Variants in ZNF469 observed in about 807,000 individuals in gnomAD.
ZNF469 encodes the protein zinc finger protein 469.
In ZNF469, 1 loss-of-function variant was observed where a neutral mutation model predicts 1.0. The observed-to-expected ratio is 1.00, with a 90% CI of 0.35 to 4.73. The LOEUF (loss-of-function observed/expected upper bound fraction) is 4.73, where lower values mean the gene tolerates loss of function less well. Ranked by LOEUF, ZNF469 falls within the 30% of genes most tolerant of loss-of-function variation. The pLI is 0.16. For missense variants in ZNF469, 6,100 were observed against 5,356.3 expected, an observed-to-expected ratio of 1.14 and a Z score of -4.33; for synonymous variants, 2,703 against 2,363.4, an observed-to-expected ratio of 1.14 and a Z score of -4.17.
chr16:88,103,752 G>A, the ZNF469 span, among the ~76,000 whole-genome samples: 50 of 149,928 alleles, frequency 3.3e-4, 2 homozygotes, highest in African/African-American at 1.2e-3. Context: ...ATAATCCTCC[G>A]TGGCACGGGG....
At chr16:88,404,187 G>A (rs952234699) in intron 1 of ZNF469, among the ~76,000 whole-genome samples, 10 of 152,056 alleles carry the variant, frequency 6.6e-5, no homozygotes, top group Non-Finnish European at 1.0e-4. Context: ...CCACACCCCC[G>A]GCACCTGGCT....
At chr16:88,199,797 G>T in the ZNF469 span, among the ~76,000 whole-genome samples, 1 of 152,198 alleles carries the variant, frequency 6.6e-6, no homozygotes, top group Non-Finnish European at 1.5e-5. Context: ...CAGGGACTCA[G>T]CGTCCCCACC....
chr16:88,392,502 G>A (rs556414623), intron 1 of ZNF469, among the ~76,000 whole-genome samples: 17 of 152,322 alleles, frequency 1.1e-4, no homozygotes, highest in Non-Finnish European at 1.6e-4. Context: ...AAATAGGGTC[G>A]GTGGGCCTGG....
At chr16:88,101,498 C>T in the ZNF469 span, among the ~76,000 whole-genome samples, 1 of 151,302 alleles carries the variant, frequency 6.6e-6, no homozygotes, top group Non-Finnish European at 1.5e-5. Flanking sequence ...ATGCTGTGGA[C>T]AGACTCAATT....
chr16:88,305,854 C>T, the ZNF469 span, among the ~76,000 whole-genome samples: 1 of 152,192 alleles, frequency 6.6e-6, no homozygotes, highest in Non-Finnish European at 1.5e-5. Flanking sequence ...CAGATGCACA[C>T]TCACGCATCC....
chr16:88,128,082 T>C, the ZNF469 span, among the ~76,000 whole-genome samples: 819 of 152,308 alleles, frequency 5.4e-3, 3 homozygotes, highest in Non-Finnish European at 9.3e-3. Context: ...GTGTGAATTC[T>C]GTGGGAATTA....
At position 88,433,612 on chromosome 16, in the gene ZNF469, C is replaced by A. The variant is rs1906356103; in HGVS notation, c.6142C>A (p.Leu2048Ile). 3.2e-6 allele frequency: 5 copies of A among 1,550,324 alleles called. No homozygotes were observed. In the East Asian group the frequency reaches 1.2e-4, roughly 38 times the overall value. ...CAAGGGAAGCAGGGCAGCCATGAGC[C>A]TTCAGGAGGAGGCCGAGCCCACCCC... is the stretch of plus-strand genomic sequence containing the variant. ...KCKGSRAAMS[L>I]QEEAEPTPSP... The change falls in exon 3 of 3, where the codon CTT becomes ATT. Residue 2048 changes from leucine to isoleucine, a missense_variant. By Grantham distance (5) the Leu-to-Ile change is conservative (BLOSUM62 2). Coordinates refer to ENST00000565624, the MANE Select transcript of ZNF469 (RefSeq NM_001367624.2).
At chr16:88,201,796 G>A in the ZNF469 span, among the ~76,000 whole-genome samples, 1 of 152,338 alleles carries the variant, frequency 6.6e-6, no homozygotes, top group South Asian at 2.1e-4. The surrounding 1 kb of genome is among the most constrained non-coding windows in gnomAD (Gnocchi z 5.0). Flanking sequence ...GGAAACTGAG[G>A]CTGGGAAGGA....
the ZNF469 span, among the ~76,000 whole-genome samples, chr16:88,322,707 C>G: frequency 6.6e-6 from 1 of 152,180 alleles, no homozygotes; most frequent in African/African-American, 2.4e-5. Context: ...TTGCCTTGAG[C>G]TCTAGGCTGC....
chr16:88,336,771 G>A, the ZNF469 span, among the ~76,000 whole-genome samples: 1 of 152,194 alleles, frequency 6.6e-6, no homozygotes, highest in Non-Finnish European at 1.5e-5. Flanking sequence ...GGCTTTTCAT[G>A]CATTCACAAA....
At chr16:88,248,797 A>G in the ZNF469 span, among the ~76,000 whole-genome samples, 1 of 152,114 alleles carries the variant, frequency 6.6e-6, no homozygotes, top group Non-Finnish European at 1.5e-5. Context: ...GTCAGCCAGT[A>G]GTAGCAGAGC....
At chr16:88,104,629 G>T in the ZNF469 span, among the ~76,000 whole-genome samples, 1 of 152,234 alleles carries the variant, frequency 6.6e-6, no homozygotes, top group Non-Finnish European at 1.5e-5. Context: ...CATTCCGGGG[G>T]CCTGTCCATG....
intron 1 of ZNF469, among the ~76,000 whole-genome samples, chr16:88,384,360 C>G (rs2092532673): frequency 6.6e-6 from 1 of 152,172 alleles, no homozygotes; most frequent in Non-Finnish European, 1.5e-5. Flanking sequence ...GTCCTAGGTG[C>G]CCCCAGCACA....
At chr16:88,132,381 C>A in the ZNF469 span, among the ~76,000 whole-genome samples, 1 of 152,240 alleles carries the variant, frequency 6.6e-6, no homozygotes, top group Non-Finnish European at 1.5e-5. Context: ...TCATCCCCAT[C>A]GCTCCCTCCT....
Position 88,435,852 on chromosome 16 carries a change from GC to G in ZNF469, c.8388del (p.Leu2797TrpfsTer73). 1 of 1,550,326 alleles carries G rather than the reference GC, an allele frequency of 6.5e-7. No homozygotes were observed. ...AGGAAGGTGTCTGGGAGGAGAACAC[GC>G]CCCCCTTGGGCCCCCTGGGTTTTCC... ...SEEGVWEENT[P>X]PLGPLGFPET... On this transcript the variant is annotated frameshift_variant, in exon 3 of 3. Coordinates refer to ENST00000565624, the MANE Select transcript of ZNF469 (RefSeq NM_001367624.2). LOFTEE classifies it low-confidence loss of function (END_TRUNC).
the ZNF469 span, among the ~76,000 whole-genome samples, chr16:88,288,869 C>T: frequency 6.6e-6 from 1 of 151,972 alleles, no homozygotes; most frequent in Non-Finnish European, 1.5e-5. Context: ...AGAGAGAGCA[C>T]TTGTAACAGA....
chr16:88,243,934 AT>A, the ZNF469 span, among the ~76,000 whole-genome samples: 84 of 103,750 alleles, frequency 8.1e-4, 7 homozygotes, highest in East Asian at 0.012. Flanking sequence ...ATATATATAT[AT>A]ATATATATAT....
the ZNF469 span, among the ~76,000 whole-genome samples, chr16:88,255,949 G>A: frequency 2.0e-5 from 3 of 152,202 alleles, no homozygotes; most frequent in Non-Finnish European, 2.9e-5. Flanking sequence ...GATGTCATTT[G>A]TGATTTATGG....
At chr16:88,262,992 G>A in the ZNF469 span, among the ~76,000 whole-genome samples, 7 of 152,386 alleles carry the variant, frequency 4.6e-5, no homozygotes, top group African/African-American at 1.7e-4. The surrounding 1 kb of genome is among the most constrained non-coding windows in gnomAD (Gnocchi z 4.3). Flanking sequence ...GACAGCTGGG[G>A]ATCGTTCGCA....
Sources: gnomAD v4.1 joint callset for allele counts (sites outside exome capture counted in the v4.1 genomes callset) on GRCh38, gnomAD v4.1.1 for gene constraint, Gnocchi (gnomAD v3.1) non-coding constraint, MANE v1.5 for transcripts, NCBI Gene and HGNC (gene_info 2026-07-23, HGNC 2026-07-21) for gene names.